GUCA1C: variants seen among roughly 807,000 people sequenced by gnomAD.
GUCA1C encodes guanylyl cyclase-activating protein 3.
Under a neutral mutation model 16.2 loss-of-function variants are expected in GUCA1C, and 15 were observed. That is an observed-to-expected ratio of 0.93 (90% CI 0.62 to 1.43). GUCA1C has a LOEUF of 1.43. GUCA1C is among the 40% of genes most tolerant of loss of function. The pLI, the probability that GUCA1C is intolerant of heterozygous loss-of-function variation, is 0.00. For synonymous variants in GUCA1C, 78 were observed against 85.4 expected (o/e 0.91, Z 0.48); for missense variants, 275 against 244.8 (o/e 1.12, Z -0.82).
intron 1 of GUCA1C, among the ~76,000 whole-genome samples, chr3:108,933,354 T>C (rs1302059617): frequency 4.8e-5 from 7 of 146,430 alleles, no homozygotes; most frequent in Non-Finnish European, 1.1e-4. Context: ...CCCCAACATG[T>C]TTATTGATGT....
intron 1 of GUCA1C, among the ~76,000 whole-genome samples, chr3:108,944,563 G>A (rs1946824540): frequency 6.6e-6 from 1 of 152,112 alleles, no homozygotes; most frequent in South Asian, 2.1e-4. Context: ...TGCCCAGCCC[G>A]CCACCACTGG....
chr3:108,910,648 TTC>T (rs1295567082), intron 3 of GUCA1C, among the ~76,000 whole-genome samples: 2 of 151,670 alleles, frequency 1.3e-5, no homozygotes, highest in African/African-American at 4.9e-5. Flanking sequence ...CAATTTTTTT[TTC>T]TTCTTCTTCT....
chr3:108,948,315 G>A (rs1033609702), intron 1 of GUCA1C, among the ~76,000 whole-genome samples: 4 of 151,922 alleles, frequency 2.6e-5, no homozygotes, highest in African/African-American at 7.3e-5. Context: ...TTTCCCCTTC[G>A]CCCTCTCTCT....
chr3:108,921,528 T>A (rs1289012640), intron 1 of GUCA1C, among the ~76,000 whole-genome samples: 1 of 152,208 alleles, frequency 6.6e-6, no homozygotes, highest in Non-Finnish European at 1.5e-5. Flanking sequence ...TCTTTCAAAG[T>A]AGTTGAACCA....
chr3:108,913,900 T>C (rs1946482309), intron 3 of GUCA1C, among the ~76,000 whole-genome samples: 1 of 151,966 alleles, frequency 6.6e-6, no homozygotes, highest in African/African-American at 2.4e-5. Context: ...ACCCCGTCTC[T>C]ACTAAAAATA....
chr3:108,944,683 T>C (rs1267715929), intron 1 of GUCA1C, among the ~76,000 whole-genome samples: 1 of 152,194 alleles, frequency 6.6e-6, no homozygotes, highest in Non-Finnish European at 1.5e-5. Context: ...GTTTGGCCTC[T>C]TGAACCTGGT....
At chr3:108,951,755 A>G (rs1542216) in intron 1 of GUCA1C, among the ~76,000 whole-genome samples, 111,113 of 152,132 alleles carry the variant, frequency 0.73, 41,284 homozygotes, top group Non-Finnish European at 0.78. Flanking sequence ...GAATAGCAGC[A>G]GAACTTCCAA....
At chr3:108,942,350 C>A (rs1242406223) in intron 1 of GUCA1C, among the ~76,000 whole-genome samples, 1 of 152,182 alleles carries the variant, frequency 6.6e-6, no homozygotes, top group Admixed American at 6.5e-5. Flanking sequence ...CTAAGTCCAT[C>A]GCTCAACCTC....
At chr3:108,909,970 T>C (rs928436042) in intron 3 of GUCA1C, among the ~76,000 whole-genome samples, 2 of 152,216 alleles carry the variant, frequency 1.3e-5, no homozygotes, top group African/African-American at 4.8e-5. Context: ...ACAATTACCA[T>C]TTCTATTACC....
intron 1 of GUCA1C, among the ~76,000 whole-genome samples, chr3:108,947,933 A>G (rs578145468): frequency 2.6e-3 from 390 of 152,334 alleles, no homozygotes; most frequent in Middle Eastern, 0.01. Flanking sequence ...ATCCTCAAAC[A>G]TAGTAGCTGA....
At chr3:108,932,746 A>G (rs916850404) in intron 1 of GUCA1C, among the ~76,000 whole-genome samples, 2 of 152,092 alleles carry the variant, frequency 1.3e-5, no homozygotes, top group African/African-American at 4.8e-5. Context: ...ACATGGAGAA[A>G]GCCCATCTCT....
At chr3:108,917,596 A>G (rs1442539727) in intron 2 of GUCA1C, among the ~76,000 whole-genome samples, 3 of 152,002 alleles carry the variant, frequency 2.0e-5, no homozygotes, top group African/African-American at 7.3e-5. Context: ...CGCAGGAGAG[A>G]AAGGGAAGCA....
At chr3:108,945,493 C>T (rs778095576) in intron 1 of GUCA1C, among the ~76,000 whole-genome samples, 2 of 152,126 alleles carry the variant, frequency 1.3e-5, no homozygotes, top group African/African-American at 2.4e-5. Context: ...GCTTTGAAGT[C>T]GGTAGAATTT....
chr3:108,917,906 G>T (rs1267146521), intron 2 of GUCA1C, among the ~76,000 whole-genome samples: 2 of 152,080 alleles, frequency 1.3e-5, no homozygotes, highest in Admixed American at 6.6e-5. Flanking sequence ...TTAGCCAGGC[G>T]TGGTGGCGGG....
At chr3:108,939,196 T>G (rs952656642) in intron 1 of GUCA1C, among the ~76,000 whole-genome samples, 2 of 152,134 alleles carry the variant, frequency 1.3e-5, no homozygotes, top group Non-Finnish European at 2.9e-5. Flanking sequence ...GTGTTTCATT[T>G]CCCTTTTAAG....
intron 2 of GUCA1C, among the ~76,000 whole-genome samples, chr3:108,918,557 G>A (rs1242326135): frequency 6.6e-6 from 1 of 152,076 alleles, no homozygotes; most frequent in South Asian, 2.1e-4. Flanking sequence ...CCATGTTATT[G>A]ACCTGGGGGG....
At chr3:108,947,117 C>T (rs573388747) in intron 1 of GUCA1C, among the ~76,000 whole-genome samples, 5 of 152,052 alleles carry the variant, frequency 3.3e-5, no homozygotes, top group Non-Finnish European at 5.9e-5. Flanking sequence ...CTACTAACAG[C>T]CTGCTATTGC....
At chr3:108,922,198 CACACATAT>C (rs1411742870) in intron 1 of GUCA1C, among the ~76,000 whole-genome samples, 20 of 49,786 alleles carry the variant, frequency 4.0e-4, no homozygotes, top group African/African-American at 1.2e-3. Flanking sequence ...CACACACACA[CACACATAT>C]ATATATGGAT....
intron 1 of GUCA1C, among the ~76,000 whole-genome samples, chr3:108,930,246 C>T (rs1350616267): frequency 2.0e-5 from 3 of 152,152 alleles, no homozygotes; most frequent in Non-Finnish European, 4.4e-5. Flanking sequence ...GATGCCAGGG[C>T]CTGTTTACAA....
Sources: gnomAD v4.1 joint callset for allele counts (sites outside exome capture counted in the v4.1 genomes callset) on GRCh38, gnomAD v4.1.1 for gene constraint, MANE v1.5 for transcripts, NCBI Gene and HGNC (gene_info 2026-07-23, HGNC 2026-07-21) for gene names.